Variants in STXBP5L observed in about 807,000 individuals in gnomAD.
The protein encoded by STXBP5L is syntaxin-binding protein 5-like.
In STXBP5L, 65 loss-of-function variants were observed where a neutral mutation model predicts 144.5. The ratio of observed to expected loss-of-function variants is 0.45; its 90% CI spans 0.37 to 0.55. The LOEUF (loss-of-function observed/expected upper bound fraction) is 0.55, where lower values mean the gene tolerates loss of function less well. Among genes scored for constraint, STXBP5L ranks in the 20% least tolerant of loss-of-function variants. The pLI is 0.00. For synonymous variants in STXBP5L, 505 were observed against 469.6 expected (o/e 1.08, Z -0.97); for missense variants, 1,298 against 1,405.5 (o/e 0.92, Z 1.22).
At chr3:121,401,840 C>T (rs1456150680) in intron 22 of STXBP5L, among the ~76,000 whole-genome samples, 74 of 134,504 alleles carry the variant, frequency 5.5e-4, no homozygotes, top group African/African-American at 2.1e-3. Flanking sequence ...CACATGTATA[C>T]ATATGTAACT....
intron 9 of STXBP5L, among the ~76,000 whole-genome samples, chr3:121,181,331 A>AGAGAGGAGAG (rs569281932): frequency 1.3e-5 from 2 of 151,046 alleles, no homozygotes; most frequent in African/African-American, 2.4e-5. Context: ...AGAAAAGTAA[A>AGAGAGGAGAG]GAGAGGAGAG....
intron 7 of STXBP5L, among the ~76,000 whole-genome samples, chr3:121,134,616 T>C (rs1393927511): frequency 6.6e-6 from 1 of 152,004 alleles, no homozygotes; most frequent in Non-Finnish European, 1.5e-5. Flanking sequence ...CCAAGTGTTC[T>C]CATTGTTCAA....
chr3:120,966,403 C>T (rs1394920938), intron 3 of STXBP5L, among the ~76,000 whole-genome samples: 1 of 152,136 alleles, frequency 6.6e-6, no homozygotes, highest in African/African-American at 2.4e-5. Context: ...CTGGTTTCTC[C>T]CCATCTTTGT....
intron 12 of STXBP5L, among the ~76,000 whole-genome samples, chr3:121,237,677 G>A (rs1419735448): frequency 2.0e-5 from 3 of 152,034 alleles, no homozygotes; most frequent in Non-Finnish European, 4.4e-5. Flanking sequence ...CTTCCTTTAG[G>A]TGATTCCATT....
At chr3:121,329,585 G>A (rs1157992567) in intron 20 of STXBP5L, among the ~76,000 whole-genome samples, 1 of 152,220 alleles carries the variant, frequency 6.6e-6, no homozygotes, top group Non-Finnish European at 1.5e-5. Flanking sequence ...GTAGGGGTGG[G>A]ACGGGTGGCC....
intron 3 of STXBP5L, among the ~76,000 whole-genome samples, chr3:121,020,896 G>C (rs116565315): frequency 6.7e-6 from 1 of 149,806 alleles, no homozygotes. Flanking sequence ...ATAGCACAAT[G>C]AGTACAATAG....
At chr3:120,987,562 A>G (rs191296950) in intron 3 of STXBP5L, among the ~76,000 whole-genome samples, 2 of 151,666 alleles carry the variant, frequency 1.3e-5, no homozygotes, top group Admixed American at 1.3e-4. Context: ...TTCATTTCTT[A>G]ACTTGTATTT....
chr3:121,249,456 G>T (rs2049963321), intron 14 of STXBP5L, among the ~76,000 whole-genome samples: 1 of 151,928 alleles, frequency 6.6e-6, no homozygotes, highest in African/African-American at 2.4e-5. Context: ...CTTGGTTTTG[G>T]CACTGTTGTA....
chr3:121,290,986 GA>G (rs1236898090), intron 19 of STXBP5L, among the ~76,000 whole-genome samples: 3 of 151,884 alleles, frequency 2.0e-5, no homozygotes, highest in Admixed American at 1.3e-4. Context: ...CTGAGAATTA[GA>G]AAAAAACAAA....
chr3:121,419,257 T>C lies in STXBP5L; in HGVS notation c.*160T>C, dbSNP rs1248705311. ...TAAAAGAGATGTATCAGAGACACTGTGCAACCCAAAGGCTGGAGCCCTGGT... is the reference window on the plus strand; with the variant it reads ...TAAAAGAGATGTATCAGAGACACTGCGCAACCCAAAGGCTGGAGCCCTGGT... On this transcript the variant is annotated 3_prime_UTR_variant, in exon 27 of 27. Coordinates refer to ENST00000471454, the MANE Select transcript of STXBP5L (RefSeq NM_001308330.2). 1 of 697,314 alleles carries C rather than the reference T, an allele frequency of 1.4e-6. No individual in the cohort carries two copies. Among genetic ancestry groups the C allele is most frequent in the Admixed American group, 3.6e-5 (1 of 27,726 alleles). 43.2% of individuals were successfully genotyped at this position (697,314 alleles called of 1,614,324 possible).
chr3:121,005,201 G>A (rs1166815361), intron 3 of STXBP5L, among the ~76,000 whole-genome samples: 4 of 151,992 alleles, frequency 2.6e-5, no homozygotes, highest in African/African-American at 4.8e-5. Flanking sequence ...TTGGTTGGTA[G>A]GCTATTAATT....
At chr3:121,073,400 A>T (rs1323329543) in intron 5 of STXBP5L, among the ~76,000 whole-genome samples, 1 of 152,190 alleles carries the variant, frequency 6.6e-6, no homozygotes, top group East Asian at 1.9e-4. Flanking sequence ...CACCCGAATT[A>T]TTAACCTTTG....
chr3:120,913,436 T>A (rs1042774967), intron 2 of STXBP5L, among the ~76,000 whole-genome samples: 3 of 152,028 alleles, frequency 2.0e-5, no homozygotes, highest in Non-Finnish European at 4.4e-5. Flanking sequence ...AGTGGGCACT[T>A]GATACACTTT....
At chr3:120,948,097 T>A (rs1710972793) in intron 2 of STXBP5L, among the ~76,000 whole-genome samples, 1 of 151,822 alleles carries the variant, frequency 6.6e-6, no homozygotes, top group Non-Finnish European at 1.5e-5. Context: ...TTTCTTTACA[T>A]CTTTATCAAC....
At position 121,384,509 on chromosome 3, in the gene STXBP5L, T is replaced by A. The variant is rs567587724; in HGVS notation, c.2587+2977T>A. On this transcript the variant is annotated intron_variant, in intron 22 of 26. Coordinates refer to ENST00000471454, the MANE Select transcript of STXBP5L (RefSeq NM_001308330.2). ...GGAGACCCTGTCTCTAGAAAAAAAA[T>A]TTTTTTGAAAGACTAAAGTCAGTAC... 1.3e-4 allele frequency among the ~76,000 whole-genome samples: 19 copies of A among 151,950 alleles called. No individual in the cohort carries two copies. The East Asian group carries it at 1.7e-3, about 14-fold the overall frequency.
intron 20 of STXBP5L, among the ~76,000 whole-genome samples, chr3:121,321,874 C>T (rs2043981722): frequency 6.6e-6 from 1 of 152,110 alleles, no homozygotes; most frequent in African/African-American, 2.4e-5. Context: ...ATTTTAGATT[C>T]AGGGGTTACA....
At chr3:120,995,155 T>C (rs1413657008) in intron 3 of STXBP5L, among the ~76,000 whole-genome samples, 2 of 152,138 alleles carry the variant, frequency 1.3e-5, no homozygotes, top group African/African-American at 4.8e-5. Context: ...TTTGTTTTCT[T>C]TTCCTATTTT....
chr3:120,981,906 T>C (rs769687059), intron 3 of STXBP5L, among the ~76,000 whole-genome samples: 6 of 152,216 alleles, frequency 3.9e-5, no homozygotes, highest in Non-Finnish European at 7.3e-5. Context: ...GCTTCAATTC[T>C]AGGTGCTTTC....
At chr3:121,208,502 C>G in intron 10 of STXBP5L, among the ~76,000 whole-genome samples, 1 of 151,056 alleles carries the variant, frequency 6.6e-6, no homozygotes, top group East Asian at 2.0e-4. Context: ...ATACTAATAA[C>G]AAAAAAACCC....
Sources: gnomAD v4.1 joint callset for allele counts (sites outside exome capture counted in the v4.1 genomes callset) on GRCh38, gnomAD v4.1.1 for gene constraint, MANE v1.5 for transcripts, NCBI Gene and HGNC (gene_info 2026-07-23, HGNC 2026-07-21) for gene names.